The following PCDH11X variants were observed in gnomAD, a reference collection of about 807,000 sequenced individuals.
PCDH11X encodes protocadherin-11 X-linked.
Under a neutral mutation model 53.3 loss-of-function variants are expected in PCDH11X, and 18 were observed. That is an observed-to-expected ratio of 0.34 (90% CI 0.23 to 0.50). PCDH11X has a LOEUF of 0.50. Among genes scored for constraint, PCDH11X ranks in the 20% least tolerant of loss-of-function variants. The pLI, the probability that PCDH11X is intolerant of heterozygous loss-of-function variation, is 0.98. For missense variants in PCDH11X, 570 were observed against 1,032.4 expected (o/e 0.55, Z 6.14); for synonymous variants, 279 against 393.3 (o/e 0.71, Z 3.44).
At chrX:92,326,833 G>A (rs755802601) in intron 8 of PCDH11X, among the ~76,000 whole-genome samples, 19 of 103,773 alleles carry the variant, frequency 1.8e-4, no homozygotes, top group Admixed American at 1.7e-3. Flanking sequence ...AATATTTGAA[G>A]AGTTAGAATC....
chrX:92,138,481 C>A (rs187673699), intron 6 of PCDH11X, among the ~76,000 whole-genome samples: 4,465 of 110,172 alleles, frequency 0.041, 211 homozygotes, highest in African/African-American at 0.14. Context: ...AATAAAAATA[C>A]TTTAAAATTA....
intron 10 of PCDH11X, among the ~76,000 whole-genome samples, chrX:92,601,501 TA>T (rs200339016): frequency 0.091 from 7,310 of 80,244 alleles, 899 homozygotes; most frequent in African/African-American, 0.33. Context: ...TGGTGATTCA[TA>T]AAAAAAAAAA....
intron 6 of PCDH11X, among the ~76,000 whole-genome samples, chrX:91,933,417 T>C (rs995034193): frequency 9.1e-6 from 1 of 110,130 alleles, no homozygotes; most frequent in Admixed American, 9.7e-5. Flanking sequence ...ATAATATTAC[T>C]TTACATTAGT....
intron 6 of PCDH11X, among the ~76,000 whole-genome samples, chrX:91,963,588 C>T (rs2061823320): frequency 1.8e-5 from 2 of 111,402 alleles, no homozygotes; most frequent in African/African-American, 6.6e-5. Flanking sequence ...TTCTTCTGAG[C>T]CCTCCAAGCT....
intron 10 of PCDH11X, among the ~76,000 whole-genome samples, chrX:92,572,934 G>T (rs1000558012): frequency 3.7e-4 from 41 of 109,676 alleles, no homozygotes; most frequent in African/African-American, 1.3e-3. Context: ...GGAATTTAGA[G>T]AATTAATTCA....
At chrX:92,256,619 G>A (rs1391592851) in intron 7 of PCDH11X, among the ~76,000 whole-genome samples, 2 of 111,485 alleles carry the variant, frequency 1.8e-5, no homozygotes, top group Middle Eastern at 4.6e-3. Context: ...ATGGGTAAAT[G>A]TGTGCCGTGG....
intron 8 of PCDH11X, among the ~76,000 whole-genome samples, chrX:92,266,574 C>G (rs938821833): frequency 9.0e-6 from 1 of 111,257 alleles, no homozygotes; most frequent in Non-Finnish European, 1.9e-5. Flanking sequence ...TGTTATATTT[C>G]GTAGATAAGC....
chrX:92,446,285 A>G (rs1217935125), intron 9 of PCDH11X, among the ~76,000 whole-genome samples: 1 of 111,280 alleles, frequency 9.0e-6, no homozygotes, highest in Non-Finnish European at 1.9e-5. Context: ...CTCAGGAGTG[A>G]GCATGTACTA....
intron 7 of PCDH11X, among the ~76,000 whole-genome samples, chrX:92,259,385 C>T (rs2067666293): frequency 9.0e-6 from 1 of 111,123 alleles, no homozygotes; most frequent in South Asian, 3.8e-4. Flanking sequence ...TCTCAGGAAG[C>T]CTCAGGAAAC....
intron 8 of PCDH11X, among the ~76,000 whole-genome samples, chrX:92,348,348 G>A (rs966791482): frequency 3.8e-4 from 42 of 110,078 alleles, no homozygotes; most frequent in African/African-American, 1.4e-3. Flanking sequence ...GTAAATGCCA[G>A]AGTAGGATTC....
intron 6 of PCDH11X, among the ~76,000 whole-genome samples, chrX:92,116,283 T>C (rs779534733): frequency 8.9e-6 from 1 of 112,197 alleles, no homozygotes; most frequent in Non-Finnish European, 1.9e-5. Context: ...GCCTATAATA[T>C]TTATTTAATT....
chrX:92,096,018 T>C (rs1309070911), intron 6 of PCDH11X, among the ~76,000 whole-genome samples: 5 of 112,284 alleles, frequency 4.5e-5, no homozygotes, highest in Admixed American at 9.5e-5. Context: ...TTCTTGAATA[T>C]ACTATCACAA....
At chrX:92,020,372 G>C (rs1456405627) in intron 6 of PCDH11X, among the ~76,000 whole-genome samples, 1 of 112,029 alleles carries the variant, frequency 8.9e-6, no homozygotes, top group Non-Finnish European at 1.9e-5. Context: ...AGGGAGGCTG[G>C]ATGGCTTGGT....
intron 9 of PCDH11X, among the ~76,000 whole-genome samples, chrX:92,424,125 ATTTG>A (rs2072044435): frequency 4.2e-5 from 4 of 94,293 alleles, no homozygotes; most frequent in South Asian, 8.8e-4. Context: ...TAAGTGTGGA[ATTTG>A]TTTGTGTTGT....
intron 5 of PCDH11X, among the ~76,000 whole-genome samples, chrX:91,841,822 ACT>A (rs1317421621): frequency 1.0e-5 from 1 of 95,700 alleles, no homozygotes; most frequent in African/African-American, 3.8e-5. Flanking sequence ...CTGTGGAGAC[ACT>A]CTCTTAGTGA....
intron 9 of PCDH11X, among the ~76,000 whole-genome samples, chrX:92,426,022 T>C (rs34013457): frequency 0.084 from 6,740 of 80,309 alleles, 341 homozygotes; most frequent in Non-Finnish European, 0.095. Flanking sequence ...TTCAGTGTAA[T>C]ATTGGAAGTG....
intron 8 of PCDH11X, among the ~76,000 whole-genome samples, chrX:92,269,974 A>C (rs2067915774): frequency 9.0e-6 from 1 of 111,498 alleles, no homozygotes; most frequent in South Asian, 3.7e-4. Flanking sequence ...ACTTTTCTGG[A>C]AATTTTTCTT....
At chrX:92,131,646 A>G (rs777495694) in intron 6 of PCDH11X, among the ~76,000 whole-genome samples, 3 of 111,970 alleles carry the variant, frequency 2.7e-5, no homozygotes, top group Non-Finnish European at 5.6e-5. Flanking sequence ...ATTTAAAGAC[A>G]TAAGTGATTA....
intron 1 of PCDH11X, among the ~76,000 whole-genome samples, chrX:91,800,047 C>A (rs1184531398): frequency 1.5e-4 from 17 of 112,582 alleles, no homozygotes; most frequent in Non-Finnish European, 1.5e-4. Flanking sequence ...CGAGACCGCG[C>A]CACTGCATTC....
Sources: gnomAD v4.1 joint callset for allele counts (sites outside exome capture counted in the v4.1 genomes callset) on GRCh38, gnomAD v4.1.1 for gene constraint, MANE v1.5 for transcripts, NCBI Gene and HGNC (gene_info 2026-07-23, HGNC 2026-07-21) for gene names.